The following MECOM variants were observed in gnomAD, a reference collection of about 807,000 sequenced individuals.
The protein encoded by MECOM is MDS1 and EVI1 complex locus.
In MECOM, 13 loss-of-function variants were observed where a neutral mutation model predicts 116.3. That is an observed-to-expected ratio of 0.11 (90% CI 0.07 to 0.18). The LOEUF is 0.18. Among genes scored for constraint, MECOM ranks in the 10% least tolerant of loss-of-function variants. The pLI is 1.00. For synonymous variants in MECOM, 528 were observed against 535.2 expected, an observed-to-expected ratio of 0.99 and a Z score of 0.19; for missense variants, 1,299 against 1,509.0, an observed-to-expected ratio of 0.86 and a Z score of 2.31.
chr3:169,463,037 T>A (rs1280792332), intron 1 of MECOM, among the ~76,000 whole-genome samples: 1 of 152,208 alleles, frequency 6.6e-6, no homozygotes. Context: ...TTTCAGCATT[T>A]AAGCTAATGA....
At position 169,468,531 on chromosome 3, in the gene MECOM, A is replaced by G. The variant is rs1343039; in HGVS notation, c.38-87007T>C. Among the ~76,000 whole-genome samples, 305 of 152,322 alleles carry G rather than the reference A, an allele frequency of 2.0e-3. 5 individuals are homozygous for G. The East Asian group carries it at 0.051, about 25-fold the overall frequency. On this transcript the variant is annotated intron_variant, in intron 1 of 16. Coordinates refer to ENST00000651503, the MANE Select transcript of MECOM (RefSeq NM_004991.4). ...TGCCTCAGAGCCTAGCTCATAGTAT[A>G]CACTCAAAATTTTGTTGAATGAATG...
At chr3:169,616,245 C>G (rs1355944919) in intron 1 of MECOM, among the ~76,000 whole-genome samples, 1 of 152,206 alleles carries the variant, frequency 6.6e-6, no homozygotes, top group Non-Finnish European at 1.5e-5. Context: ...TCATCTCACC[C>G]TATTTTGGTG....
chr3:169,139,962 T>TA (rs34041022), intron 3 of MECOM, among the ~76,000 whole-genome samples: 116 of 146,362 alleles, frequency 7.9e-4, no homozygotes, highest in East Asian at 2.8e-3. Flanking sequence ...TAGTTTTCTT[T>TA]AAAAAAAAAA....
At chr3:169,226,226 T>C (rs756936683) in intron 2 of MECOM, among the ~76,000 whole-genome samples, 20 of 152,136 alleles carry the variant, frequency 1.3e-4, no homozygotes, top group Non-Finnish European at 2.2e-4. Context: ...CCTGGATGCA[T>C]TAAAGGTAAC....
intron 5 of MECOM, among the ~76,000 whole-genome samples, chr3:169,125,138 C>A (rs1470645483): frequency 6.6e-6 from 1 of 152,052 alleles, no homozygotes; most frequent in Non-Finnish European, 1.5e-5. Context: ...GGTGGTGATA[C>A]CTCTGTGAAC....
At chr3:169,240,521 CTTG>C (rs1484450665) in intron 2 of MECOM, among the ~76,000 whole-genome samples, 1 of 152,196 alleles carries the variant, frequency 6.6e-6, no homozygotes, top group Non-Finnish European at 1.5e-5. Context: ...TGAAGAATGG[CTTG>C]TTATTATTGC....
intron 1 of MECOM, among the ~76,000 whole-genome samples, chr3:169,655,919 A>G (rs1775490171): frequency 1.3e-5 from 2 of 152,240 alleles, no homozygotes; most frequent in Admixed American, 1.3e-4. Flanking sequence ...CAGCAGCCCA[A>G]GGAGGGTAGT....
chr3:169,368,999 G>A (rs1462135536), intron 2 of MECOM, among the ~76,000 whole-genome samples: 1 of 152,004 alleles, frequency 6.6e-6, no homozygotes, highest in Admixed American at 6.6e-5. Flanking sequence ...AATTCTGGTT[G>A]ATCACCAAGG....
At chr3:169,603,250 A>T (rs150843192) in intron 1 of MECOM, among the ~76,000 whole-genome samples, 1,742 of 152,292 alleles carry the variant, frequency 0.011, 37 homozygotes, top group African/African-American at 0.04. Flanking sequence ...AGTTTTTAAA[A>T]GAAAGTTTTT....
In MECOM at chr3:169,381,511, T is replaced by C; in HGVS notation, c.51A>G (p.Val17=). 1.2e-6 allele frequency: 2 copies of C among 1,603,940 alleles called. No homozygotes were observed. Among genetic ancestry groups the C allele is most frequent in the Middle Eastern group, 1.7e-4 (1 of 6,016 alleles). The change falls in exon 2 of 17, where the codon GTA becomes GTG. Residue 17 remains valine (V), a synonymous_variant. Coordinates refer to ENST00000651503, the MANE Select transcript of MECOM (RefSeq NM_004991.4). ...ARKLATNNEC[V]YGNYPEIPLE... is the part of the protein sequence containing the mutation. Reference sequence around the variant, plus strand: ...AAGGTATTTCAGGGTAGTTGCCATATACACACTCATTATCTGTGAATAAAT... The same window carrying C: ...AAGGTATTTCAGGGTAGTTGCCATACACACACTCATTATCTGTGAATAAAT...
At chr3:169,462,756 G>A (rs1266650995) in intron 1 of MECOM, among the ~76,000 whole-genome samples, 4 of 151,994 alleles carry the variant, frequency 2.6e-5, no homozygotes, top group Non-Finnish European at 5.9e-5. Flanking sequence ...TACTGTAAAG[G>A]TAGTCTTTAT....
intron 1 of MECOM, among the ~76,000 whole-genome samples, chr3:169,402,640 A>G (rs1038476860): frequency 6.6e-6 from 1 of 152,138 alleles, no homozygotes; most frequent in African/African-American, 2.4e-5. Context: ...TGGGCAACAG[A>G]ATGAGACTCT....
intron 2 of MECOM, 45 bp from the exon 3 acceptor site, chr3:169,143,877 CT>C (rs1275323386): frequency 1.3e-6 from 2 of 1,517,650 alleles, no homozygotes; most frequent in East Asian, 4.9e-5. Flanking sequence ...TATTGGCCCA[CT>C]CATTAAAATA....
In MECOM at chr3:169,100,227, T is replaced by C. The variant is rs1326453748; in HGVS notation, c.2849+658A>G. Among the ~76,000 whole-genome samples the C allele has an allele frequency of 3.3e-5, 5 of 151,138 alleles. No homozygotes were observed. The East Asian group carries it at 9.8e-4, about 30-fold the overall frequency. The stretch of plus-strand genomic sequence containing the variant: ...GATTCTCCTGCCTCAGTCTCACAAG[T>C]AGCTGGGACTACAGGTGTGAGCCAC... On this transcript the variant is annotated intron_variant, in intron 12 of 16. Coordinates refer to ENST00000651503, the MANE Select transcript of MECOM (RefSeq NM_004991.4).
chr3:169,586,991 G>A (rs1418654316), intron 1 of MECOM, among the ~76,000 whole-genome samples: 5 of 152,148 alleles, frequency 3.3e-5, no homozygotes, highest in Non-Finnish European at 5.9e-5. Context: ...CCTGTTCTAA[G>A]CACCTTACAT....
chr3:169,600,029 T>G (rs1214268747), intron 1 of MECOM, among the ~76,000 whole-genome samples: 1 of 152,060 alleles, frequency 6.6e-6, no homozygotes, highest in Non-Finnish European at 1.5e-5. Flanking sequence ...TGGAGTGCAG[T>G]GGTGCAATTT....
chr3:169,562,508 CA>C (rs1762773147), intron 1 of MECOM, among the ~76,000 whole-genome samples: 1 of 152,098 alleles, frequency 6.6e-6, no homozygotes, highest in African/African-American at 2.4e-5. Context: ...GGCTCACCCT[CA>C]AAAAACTCCG....
chr3:169,136,630 T>C (rs1242898715), intron 3 of MECOM, among the ~76,000 whole-genome samples: 2 of 152,034 alleles, frequency 1.3e-5, no homozygotes, highest in Non-Finnish European at 2.9e-5. Context: ...CCAAATCCTC[T>C]ATCATTAGTT....
chr3:169,171,368 T>C (rs1170176933), intron 2 of MECOM, among the ~76,000 whole-genome samples: 1 of 152,188 alleles, frequency 6.6e-6, no homozygotes, highest in Non-Finnish European at 1.5e-5. Flanking sequence ...TATTAACCTT[T>C]ATTCTTGTTA....
Sources: gnomAD v4.1 joint callset for allele counts (sites outside exome capture counted in the v4.1 genomes callset) on GRCh38, gnomAD v4.1.1 for gene constraint, MANE v1.5 for transcripts, NCBI Gene and HGNC (gene_info 2026-07-23, HGNC 2026-07-21) for gene names.